Variants in PDSS2 observed in about 807,000 individuals in gnomAD.
PDSS2 encodes decaprenyl diphosphate synthase subunit 2.
In PDSS2, 31 loss-of-function variants were observed where a neutral mutation model predicts 44.5. That is an observed-to-expected ratio of 0.70 (90% CI 0.52 to 0.94). PDSS2 has a LOEUF of 0.94. PDSS2 is among the 40% of genes least tolerant of loss of function. PDSS2 has a pLI of 0.00. For missense variants in PDSS2, 452 were observed against 482.2 expected, an observed-to-expected ratio of 0.94 and a Z score of 0.59; for synonymous variants, 157 against 180.3, an observed-to-expected ratio of 0.87 and a Z score of 1.03.
At chr6:107,397,894 C>T (rs557923410) in intron 1 of PDSS2, among the ~76,000 whole-genome samples, 5 of 152,102 alleles carry the variant, frequency 3.3e-5, no homozygotes, top group Admixed American at 6.5e-5. Flanking sequence ...TAAAATAAAA[C>T]GTCAATGTTT....
intron 6 of PDSS2, among the ~76,000 whole-genome samples, chr6:107,194,316 C>A (rs970776332): frequency 6.6e-6 from 1 of 152,154 alleles, no homozygotes; most frequent in Non-Finnish European, 1.5e-5. Context: ...GGTTTTTGTG[C>A]CTCTTTTGTT....
chr6:107,299,573 C>T (rs370251181), intron 2 of PDSS2, among the ~76,000 whole-genome samples: 14 of 152,178 alleles, frequency 9.2e-5, no homozygotes, highest in African/African-American at 3.4e-4. Flanking sequence ...TGTTCTCTTA[C>T]CCCCTTTCAC....
intron 1 of PDSS2, among the ~76,000 whole-genome samples, chr6:107,443,050 G>A (rs761215176): frequency 6.6e-6 from 1 of 152,132 alleles, no homozygotes; most frequent in Non-Finnish European, 1.5e-5. Context: ...ATAAATCCTG[G>A]GGAGGGGAAG....
intron 7 of PDSS2, among the ~76,000 whole-genome samples, chr6:107,164,930 T>G (rs1318383948): frequency 6.6e-6 from 1 of 152,228 alleles, no homozygotes; most frequent in Non-Finnish European, 1.5e-5. Context: ...ATGATGAGCA[T>G]TTTTTCATGT....
At chr6:107,179,513 T>C (rs1229898266) in intron 7 of PDSS2, among the ~76,000 whole-genome samples, 1 of 128,392 alleles carries the variant, frequency 7.8e-6, no homozygotes, top group Non-Finnish European at 1.7e-5. Context: ...ACTCCTGGCC[T>C]CGTGATTCGC....
At chr6:107,342,575 T>C (rs963294868) in intron 1 of PDSS2, among the ~76,000 whole-genome samples, 1 of 152,150 alleles carries the variant, frequency 6.6e-6, no homozygotes, top group Non-Finnish European at 1.5e-5. Flanking sequence ...TTAATACAAA[T>C]ATTTATGTGT....
intron 1 of PDSS2, among the ~76,000 whole-genome samples, chr6:107,426,858 C>T (rs1026911768): frequency 2.6e-5 from 4 of 152,084 alleles, no homozygotes; most frequent in Non-Finnish European, 5.9e-5. Flanking sequence ...ATGCCTGTAC[C>T]CCCATTGTAT....
intron 4 of PDSS2, among the ~76,000 whole-genome samples, chr6:107,237,265 T>C (rs529835978): frequency 5.0e-4 from 75 of 151,336 alleles, no homozygotes; most frequent in Middle Eastern, 3.4e-3. Flanking sequence ...ATTTATGAGA[T>C]GGAGTTTTGC....
At chr6:107,323,331 T>C (rs1423763097) in intron 2 of PDSS2, among the ~76,000 whole-genome samples, 2 of 152,228 alleles carry the variant, frequency 1.3e-5, no homozygotes, top group Non-Finnish European at 2.9e-5. Context: ...ATTCAGTGTC[T>C]TTCAGTGTCC....
intron 1 of PDSS2, among the ~76,000 whole-genome samples, chr6:107,399,314 A>T (rs551619749): frequency 2.6e-5 from 4 of 152,294 alleles, no homozygotes; most frequent in African/African-American, 9.6e-5. Context: ...CAGAGTTGTG[A>T]CTATCACCTG....
At chr6:107,178,758 C>T (rs1771876070) in intron 7 of PDSS2, among the ~76,000 whole-genome samples, 1 of 152,200 alleles carries the variant, frequency 6.6e-6, no homozygotes, top group Non-Finnish European at 1.5e-5. Flanking sequence ...AAGTGGCTCA[C>T]ATCTGTAATC....
intron 1 of PDSS2, among the ~76,000 whole-genome samples, chr6:107,453,884 C>A (rs1781952331): frequency 6.6e-6 from 1 of 152,136 alleles, no homozygotes; most frequent in Non-Finnish European, 1.5e-5. Flanking sequence ...TCCATCCATC[C>A]TTCAATGGAG....
chr6:107,416,330 T>C (rs527924225), intron 1 of PDSS2, among the ~76,000 whole-genome samples: 1 of 152,146 alleles, frequency 6.6e-6, no homozygotes, highest in South Asian at 2.1e-4. Flanking sequence ...CATTTGAGGG[T>C]AATAAATATG....
chr6:107,281,994 C>T (rs1342613763), intron 2 of PDSS2, among the ~76,000 whole-genome samples: 2 of 151,898 alleles, frequency 1.3e-5, no homozygotes, highest in East Asian at 3.9e-4. Context: ...AAACCTCCAC[C>T]CCCTGGGTTC....
intron 1 of PDSS2, among the ~76,000 whole-genome samples, chr6:107,402,130 A>G (rs938390871): frequency 9.9e-5 from 15 of 151,940 alleles, no homozygotes; most frequent in African/African-American, 3.6e-4. Flanking sequence ...AATACAAAAA[A>G]TTAGCCAGCT....
At chr6:107,410,012 G>A (rs997287544) in intron 1 of PDSS2, among the ~76,000 whole-genome samples, 1 of 152,170 alleles carries the variant, frequency 6.6e-6, no homozygotes, top group African/African-American at 2.4e-5. Context: ...AAGAGTATGA[G>A]AAAAGGTCTT....
chr6:107,227,519 C>A (rs1582815787), intron 4 of PDSS2, among the ~76,000 whole-genome samples: 2 of 151,926 alleles, frequency 1.3e-5, no homozygotes, highest in South Asian at 2.1e-4. Flanking sequence ...AACTCTTGAC[C>A]AAGTGATCTG....
At chr6:107,411,670 C>T (rs1470970673) in intron 1 of PDSS2, among the ~76,000 whole-genome samples, 8 of 152,108 alleles carry the variant, frequency 5.3e-5, no homozygotes, top group East Asian at 1.9e-4. Context: ...AGTTTTACAA[C>T]GATTTAAATA....
chr6:107,174,409 C>G (rs916992453), intron 7 of PDSS2, among the ~76,000 whole-genome samples: 8 of 152,040 alleles, frequency 5.3e-5, no homozygotes, highest in African/African-American at 1.9e-4. Flanking sequence ...CTGTGGGTTC[C>G]CTATTATTGG....
Sources: allele counts gnomAD v4.1 joint callset (sites outside exome capture counted in the v4.1 genomes callset), GRCh38; gene constraint gnomAD v4.1.1; transcripts MANE v1.5; gene names NCBI Gene and HGNC (gene_info 2026-07-23, HGNC 2026-07-21).